Variants in SLC66A3 observed in about 807,000 individuals in gnomAD.
SLC66A3 encodes the protein PQ loop repeat containing 3.
Under a neutral mutation model 25.5 loss-of-function variants are expected in SLC66A3, and 23 were observed. The observed-to-expected ratio is 0.90, with a 90% confidence interval of 0.65 to 1.28. SLC66A3 has a LOEUF of 1.28. SLC66A3 is among the 50% of genes most tolerant of loss of function. The probability of loss-of-function intolerance (pLI) is 0.00; values close to 1 mark genes in which losing one functional copy is unlikely to be tolerated. For missense variants in SLC66A3, 246 were observed against 262.1 expected, an observed-to-expected ratio of 0.94 and a Z score of 0.42; for synonymous variants, 108 against 112.6, an observed-to-expected ratio of 0.96 and a Z score of 0.26.
At chr2:11,156,578 G>A (rs1661910318) in intron 1 of SLC66A3, among the ~76,000 whole-genome samples, 1 of 152,162 alleles carries the variant, frequency 6.6e-6, no homozygotes, top group African/African-American at 2.4e-5. Flanking sequence ...GCCAAGGGGT[G>A]CGGGGGAGAA....
intron 4 of SLC66A3, among the ~76,000 whole-genome samples, chr2:11,168,671 C>T (rs1662440101): frequency 6.6e-6 from 1 of 152,100 alleles, no homozygotes; most frequent in Non-Finnish European, 1.5e-5. Flanking sequence ...CCCTCCTCTG[C>T]TCTGTCCAGG....
At chr2:11,176,142 G>C (rs1243386576) in intron 6 of SLC66A3, among the ~76,000 whole-genome samples, 3 of 152,122 alleles carry the variant, frequency 2.0e-5, no homozygotes, top group Non-Finnish European at 4.4e-5. Flanking sequence ...GATCAAGATT[G>C]TTCTAATTGT....
At chr2:11,172,899 G>T (rs1662605853) in intron 5 of SLC66A3, 1 of 213,952 alleles carries the variant, frequency 4.7e-6, no homozygotes. Context: ...GTCTCGCTCT[G>T]TCACCCAGGC....
Position 11,155,626 on chromosome 2 carries a change from C to G in SLC66A3, c.80C>G (p.Ala27Gly), listed in dbSNP as rs777226301. The change falls in exon 1 of 7, where the codon GCT becomes GGT. Residue 27 changes from alanine (A) to glycine (G), a missense_variant. Transcript: ENST00000295083. Reference protein sequence around the residue: ...CAALKLPQISAVLAARSARGL... With the variant: ...CAALKLPQISGVLAARSARGL... ...GCGCTGAAGCTGCCGCAGATCTCCG[C>G]TGTGCTAGCGGCGCGCAGCGCGCGG... 6.5e-7 allele frequency: 1 copy of G among 1,529,058 alleles called. No individual in the cohort carries two copies. Among genetic ancestry groups the G allele is most frequent in the Non-Finnish European group, 8.7e-7 (1 of 1,149,398 alleles). The allele number at this position is 1,529,058 out of a possible 1,614,324, so 94.7% of individuals were successfully genotyped here.
chr2:11,173,164 A>T (rs1024842824), intron 5 of SLC66A3, among the ~76,000 whole-genome samples: 1 of 152,006 alleles, frequency 6.6e-6, no homozygotes, highest in African/African-American at 2.4e-5. Flanking sequence ...CGCCCAGCCA[A>T]TTTTTTGTAG....
intron 4 of SLC66A3, among the ~76,000 whole-genome samples, chr2:11,165,986 G>A (rs960680552): frequency 4.6e-5 from 7 of 152,344 alleles, no homozygotes; most frequent in South Asian, 2.1e-4. Context: ...GCTTCGGCTC[G>A]GCATCAGAGG....
At chr2:11,166,466 A>G (rs563901091) in intron 4 of SLC66A3, among the ~76,000 whole-genome samples, 43 of 152,256 alleles carry the variant, frequency 2.8e-4, no homozygotes, top group African/African-American at 9.9e-4. Context: ...CTTTCCCCCA[A>G]CATCTTGTCT....
Position 11,155,516 on chromosome 2 carries a change from C to G in SLC66A3, c.-31C>G, listed in dbSNP as rs566675100. On this transcript the variant is annotated 5_prime_UTR_variant, in exon 1 of 7. Transcript: ENST00000295083. Reference sequence around the variant, plus strand: ...GAGGCTGAGCGGTCCCTTCTCGCTGCGGCCGCCCAGGTGCCCGCGCCCGTG... The same window carrying G: ...GAGGCTGAGCGGTCCCTTCTCGCTGGGGCCGCCCAGGTGCCCGCGCCCGTG... The G allele has an allele frequency of 2.8e-5, 42 of 1,477,276 alleles. No individual in the cohort carries two copies. In the East Asian group the frequency reaches 1.2e-3, roughly 42 times the overall value. The allele number at this position is 1,477,276 out of a possible 1,614,324, so 91.5% of individuals were successfully genotyped here.
chr2:11,163,618 T>C (rs1428669101), intron 3 of SLC66A3, among the ~76,000 whole-genome samples: 1 of 152,230 alleles, frequency 6.6e-6, no homozygotes, highest in Admixed American at 6.5e-5. Flanking sequence ...CCAGAGACTC[T>C]TGGCTGTCCC....
intron 4 of SLC66A3, 73 bp downstream of exon 4, chr2:11,164,334 T>TAC (rs1228257993): frequency 6.3e-4 from 83 of 130,882 alleles, no homozygotes; most frequent in East Asian, 5.6e-3. Flanking sequence ...TATTTATATA[T>TAC]ATATATATAT....
rs781158322 is a variant in SLC66A3, at chr2:11,160,659, C to T, written c.261C>T (p.Asn87=). The change falls in exon 3 of 7, where the codon AAC becomes AAT. Residue 87 remains asparagine, a synonymous_variant. Coordinates refer to ENST00000295083, the MANE Select transcript of SLC66A3 (RefSeq NM_152391.5). ...VILLLCIFHF[N]GNVKQATPYI... ...TCCTGCTCTGTATCTTTCATTTTAA[C>T]GGGAACGTGAAGCAGGCCACTCCTT... is the stretch of plus-strand genomic sequence containing the variant. 109 of 1,614,006 alleles carry T rather than the reference C, an allele frequency of 6.8e-5. No homozygotes were observed. The highest frequency in any genetic ancestry group is 3.6e-4 in the South Asian group (33 of 91,076).
Position 11,177,995 on chromosome 2 carries a change from A to T in SLC66A3, c.*167A>T. 1 of 580,994 alleles carries T rather than the reference A, an allele frequency of 1.7e-6. No homozygotes were observed. Among genetic ancestry groups the T allele is most frequent in the Non-Finnish European group, 3.0e-6 (1 of 331,716 alleles). 36.0% of individuals were successfully genotyped at this position (580,994 alleles called of 1,614,324 possible). On this transcript the variant is annotated 3_prime_UTR_variant, in exon 7 of 7. Transcript: ENST00000295083. ...GAAAGAGCCACTTAAATTCTTGTTT[A>T]AAAATACCAATTTGCCTCCTCCTTC...
rs1340457374 is a variant in SLC66A3 at position 11,155,645 on chromosome 2, C to G, written c.99C>G (p.Ser33Arg). Reference protein sequence around the residue: ...PQISAVLAARSARGLSLPSLL... With the variant: ...PQISAVLAARRARGLSLPSLL... Reference sequence around the variant, plus strand: ...TCTCCGCTGTGCTAGCGGCGCGCAGCGCGCGGGGCCTCAGCCTTCCGAGTT... The same window carrying G: ...TCTCCGCTGTGCTAGCGGCGCGCAGGGCGCGGGGCCTCAGCCTTCCGAGTT... The change falls in exon 1 of 7, where the codon AGC (serine) becomes AGG (arginine). Residue 33 changes from serine to arginine, a missense_variant. Coordinates refer to ENST00000295083, the MANE Select transcript of SLC66A3 (RefSeq NM_152391.5). The G allele has an allele frequency of 6.7e-7, 1 of 1,499,346 alleles. No individual in the cohort carries two copies. Among genetic ancestry groups the G allele is most frequent in the Non-Finnish European group, 8.8e-7 (1 of 1,134,320 alleles). 92.9% of individuals were successfully genotyped at this position (1,499,346 alleles called of 1,614,324 possible).
At chr2:11,173,384 T>C (rs1223881625) in intron 5 of SLC66A3, among the ~76,000 whole-genome samples, 1 of 152,256 alleles carries the variant, frequency 6.6e-6, no homozygotes, top group African/African-American at 2.4e-5. Flanking sequence ...CATTAACCCT[T>C]GTCAGATGTG....
At chr2:11,157,545 GC>G (rs11355214) in intron 1 of SLC66A3, among the ~76,000 whole-genome samples, 67,042 of 151,992 alleles carry the variant, frequency 0.44, 15,072 homozygotes, top group East Asian at 0.5. Flanking sequence ...TGCCAGCTGG[GC>G]CCCCGGGCCC....
intron 1 of SLC66A3, among the ~76,000 whole-genome samples, chr2:11,156,819 C>T (rs1240412599): frequency 2.0e-5 from 3 of 152,134 alleles, no homozygotes; most frequent in Non-Finnish European, 2.9e-5. Flanking sequence ...GGTTGAGAGG[C>T]ACCCAGGGGA....
At chr2:11,172,752 G>T (rs570258235) in intron 5 of SLC66A3, 2 of 439,416 alleles carry the variant, frequency 4.6e-6, no homozygotes, top group South Asian at 1.6e-5. Flanking sequence ...CTTTGACAGG[G>T]TCTCGCTCTC....
Position 11,169,469 on chromosome 2 carries a change from A to T in SLC66A3, c.355-2456A>T, listed in dbSNP as rs1198516663. Among the ~76,000 whole-genome samples, 3 of 151,884 alleles carry T rather than the reference A, an allele frequency of 2.0e-5. No individual in the cohort carries two copies. In the East Asian group the frequency reaches 5.8e-4, roughly 29 times the overall value. Reference sequence around the variant, plus strand: ...TGGCCAGTTCTCATTCCTCTTCTTCATTCATATCTCGGTAGCTTTTGACAC... The same window carrying T: ...TGGCCAGTTCTCATTCCTCTTCTTCTTTCATATCTCGGTAGCTTTTGACAC... On this transcript the variant is annotated intron_variant, in intron 4 of 6. Transcript: ENST00000295083.
chr2:11,170,678 TC>T, intron 4 of SLC66A3, among the ~76,000 whole-genome samples: 1 of 151,460 alleles, frequency 6.6e-6, no homozygotes, highest in Middle Eastern at 3.4e-3. Context: ...AACTTCTGCC[TC>T]CCAAGTTCAA....
Sources: gnomAD v4.1 joint callset for allele counts (sites outside exome capture counted in the v4.1 genomes callset) on GRCh38, gnomAD v4.1.1 for gene constraint, MANE v1.5 for transcripts, NCBI Gene and HGNC (gene_info 2026-07-23, HGNC 2026-07-21) for gene names.